The following GRIP1 variants were observed in gnomAD, a reference collection of about 807,000 sequenced individuals.
The protein encoded by GRIP1 is glutamate receptor interacting protein 1, also known as glutamate receptor-interacting protein 1.
Under a neutral mutation model 129.9 loss-of-function variants are expected in GRIP1, and 45 were observed. The ratio of observed to expected loss-of-function variants is 0.35; its 90% CI spans 0.27 to 0.44. The LOEUF (loss-of-function observed/expected upper bound fraction) is 0.44. Among genes scored for constraint, GRIP1 ranks in the 20% least tolerant of loss-of-function variants. The pLI is 1.00. For missense variants in GRIP1, 1,196 were observed against 1,396.8 expected (o/e 0.86, Z 2.29); for synonymous variants, 530 against 520.8 (o/e 1.02, Z -0.24).
intron 1 of GRIP1, among the ~76,000 whole-genome samples, chr12:66,639,925 C>T (rs1347347411): frequency 1.3e-5 from 2 of 152,148 alleles, no homozygotes; most frequent in Non-Finnish European, 2.9e-5. Flanking sequence ...TAAACAACAT[C>T]ATTCTCTATC....
chr12:66,926,692 AGAGGGCAAT>A (rs2041301248), intron 1 of GRIP1, among the ~76,000 whole-genome samples: 1 of 152,244 alleles, frequency 6.6e-6, no homozygotes, highest in South Asian at 2.1e-4. Flanking sequence ...CAGACACTAA[AGAGGGCAAT>A]TTGTGAGGTG....
intron 1 of GRIP1, among the ~76,000 whole-genome samples, chr12:66,735,420 G>C (rs891304913): frequency 6.6e-6 from 1 of 152,176 alleles, no homozygotes; most frequent in African/African-American, 2.4e-5. Context: ...AGACTGTGAA[G>C]TCAATAATAA....
At chr12:66,605,971 A>T (rs1010317187) in intron 1 of GRIP1, among the ~76,000 whole-genome samples, 1 of 152,182 alleles carries the variant, frequency 6.6e-6, no homozygotes, top group African/African-American at 2.4e-5. Flanking sequence ...AGCTAAGAGC[A>T]CAGATGATTC....
intron 1 of GRIP1, among the ~76,000 whole-genome samples, chr12:66,948,458 TA>T (rs1417465605): frequency 3.2e-4 from 49 of 152,288 alleles, no homozygotes; most frequent in Non-Finnish European, 1.6e-4. Flanking sequence ...AGGACTGTGT[TA>T]TACAAAAAGA....
chr12:66,637,556 C>T (rs952456868), intron 1 of GRIP1, among the ~76,000 whole-genome samples: 4 of 138,142 alleles, frequency 2.9e-5, no homozygotes, highest in African/African-American at 1.2e-4. Flanking sequence ...TATATCTCTC[C>T]TCTTGTTATT....
chr12:66,483,741 T>G (rs1392282545), intron 7 of GRIP1, among the ~76,000 whole-genome samples: 2 of 152,226 alleles, frequency 1.3e-5, no homozygotes, highest in African/African-American at 4.8e-5. Flanking sequence ...TGATACATTT[T>G]CATAAACTGA....
chr12:66,945,245 C>T (rs567150410), intron 1 of GRIP1, among the ~76,000 whole-genome samples: 46 of 152,094 alleles, frequency 3.0e-4, no homozygotes, highest in Non-Finnish European at 2.6e-4. Flanking sequence ...GGCAGTTTGG[C>T]GTACAGATTA....
intron 1 of GRIP1, among the ~76,000 whole-genome samples, chr12:66,767,481 T>C (rs2037677823): frequency 6.6e-6 from 1 of 152,024 alleles, no homozygotes; most frequent in Admixed American, 6.6e-5. Flanking sequence ...AAGGCACTAG[T>C]GTTCTCTGAT....
Position 66,432,608 on chromosome 12 carries a change from C to T in GRIP1, c.1708G>A (p.Gly570Arg), listed in dbSNP as rs1319578075. The T allele has an allele frequency of 6.2e-7, 1 of 1,600,832 alleles. No homozygotes were observed. The highest frequency in any genetic ancestry group is 8.6e-7 in the Non-Finnish European group (1 of 1,168,948). Reference protein sequence around the residue: ...DVAESVIPSSGTFHVKLPKKH... With the variant: ...DVAESVIPSSRTFHVKLPKKH... Reference sequence around the variant, plus strand: ...TTAGGCAGCTTTACATGAAATGTTCCACTACTTGGGATGACAGACTCTAAT... The same window carrying T: ...TTAGGCAGCTTTACATGAAATGTTCTACTACTTGGGATGACAGACTCTAAT... The change falls in exon 14 of 25, where the codon GGA becomes AGA. Residue 570 changes from glycine to arginine, a missense_variant. Transcript: ENST00000359742.
chr12:66,433,766 G>T (rs754448278), intron 13 of GRIP1, among the ~76,000 whole-genome samples: 32 of 152,280 alleles, frequency 2.1e-4, no homozygotes, highest in South Asian at 4.1e-4. Flanking sequence ...AAAGAAGTGG[G>T]GAGAGGCTTC....
intron 1 of GRIP1, among the ~76,000 whole-genome samples, chr12:66,812,416 T>A (rs547834916): frequency 3.6e-4 from 55 of 152,366 alleles, no homozygotes; most frequent in African/African-American, 1.2e-3. Context: ...ATTATAGGTG[T>A]GAGCCACTGT....
At chr12:66,386,372 G>T (rs543617086) in intron 19 of GRIP1, among the ~76,000 whole-genome samples, 18 of 152,234 alleles carry the variant, frequency 1.2e-4, no homozygotes, top group Admixed American at 1.1e-3. Flanking sequence ...TGTGGCTCAC[G>T]CCTGTAATCC....
chr12:66,844,723 A>C (rs774576694), intron 1 of GRIP1, among the ~76,000 whole-genome samples: 47 of 152,242 alleles, frequency 3.1e-4, no homozygotes, highest in Non-Finnish European at 6.2e-4. Flanking sequence ...CAATGGATGA[A>C]CTGCCAAATA....
chr12:66,824,197 A>C (rs2039369291), intron 1 of GRIP1, among the ~76,000 whole-genome samples: 1 of 152,174 alleles, frequency 6.6e-6, no homozygotes. Context: ...GGGATAAGGC[A>C]TTTTAATCAT....
At chr12:66,728,616 A>C (rs906996017) in intron 1 of GRIP1, among the ~76,000 whole-genome samples, 2 of 152,170 alleles carry the variant, frequency 1.3e-5, no homozygotes, top group African/African-American at 4.8e-5. Flanking sequence ...TATACTCAGA[A>C]AAGAAACTGA....
intron 1 of GRIP1, among the ~76,000 whole-genome samples, chr12:66,868,509 C>G (rs753127328): frequency 3.3e-5 from 5 of 152,072 alleles, no homozygotes; most frequent in South Asian, 4.2e-4. Context: ...CACAGAGACA[C>G]AAAATGACAG....
At chr12:66,437,475 G>A (rs1190933672) in intron 13 of GRIP1, among the ~76,000 whole-genome samples, 1 of 152,188 alleles carries the variant, frequency 6.6e-6, no homozygotes, top group Admixed American at 6.5e-5. Flanking sequence ...CCATCTATTT[G>A]AAGTGGGTTA....
chr12:66,513,794 G>C (rs1347410582), intron 7 of GRIP1, among the ~76,000 whole-genome samples: 2 of 152,140 alleles, frequency 1.3e-5, no homozygotes, highest in East Asian at 3.8e-4. Context: ...CAGAATGTGA[G>C]AGTGAGTTGC....
At position 66,432,606 on chromosome 12, in the gene GRIP1, T is replaced by C; in HGVS notation, c.1710A>G (p.Gly570=). The C allele has an allele frequency of 6.2e-7, 1 of 1,602,080 alleles. No individual in the cohort carries two copies. The highest frequency in any genetic ancestry group is 8.5e-7 in the Non-Finnish European group (1 of 1,169,882). Residue 570 remains glycine (G), a synonymous_variant, in exon 14 of 25, where the codon GGA becomes GGG. Transcript: ENST00000359742. Reference sequence around the variant, plus strand: ...TCTTAGGCAGCTTTACATGAAATGTTCCACTACTTGGGATGACAGACTCTA... The same window carrying C: ...TCTTAGGCAGCTTTACATGAAATGTCCCACTACTTGGGATGACAGACTCTA... ...DVAESVIPSS[G]TFHVKLPKKH...
Sources: allele counts gnomAD v4.1 joint callset (sites outside exome capture counted in the v4.1 genomes callset), GRCh38; gene constraint gnomAD v4.1.1; transcripts MANE v1.5; gene names NCBI Gene and HGNC (gene_info 2026-07-23, HGNC 2026-07-21).